Variants in CCSER1 observed in about 807,000 individuals in gnomAD.
CCSER1 encodes serine-rich coiled-coil domain-containing protein 1.
Under a neutral mutation model 82.0 loss-of-function variants are expected in CCSER1, and 41 were observed. That is an observed-to-expected ratio of 0.50 (90% CI 0.39 to 0.65). The LOEUF (loss-of-function observed/expected upper bound fraction) is 0.65, where lower values mean the gene tolerates loss of function less well. Ranked by LOEUF, CCSER1 falls within the 30% of genes least tolerant of loss-of-function variation. The pLI is 0.00. For missense variants in CCSER1, 1,119 were observed against 1,064.2 expected (o/e 1.05, Z -0.72); for synonymous variants, 414 against 383.9 (o/e 1.08, Z -0.92).
intron 10 of CCSER1, among the ~76,000 whole-genome samples, chr4:91,493,870 G>T (rs564744161): frequency 6.6e-6 from 1 of 151,738 alleles, no homozygotes; most frequent in South Asian, 2.1e-4. Context: ...AATATGGAAA[G>T]TTAGCAAGGC....
At chr4:90,786,392 A>G (rs1754523556) in intron 7 of CCSER1, among the ~76,000 whole-genome samples, 1 of 152,218 alleles carries the variant, frequency 6.6e-6, no homozygotes, top group African/African-American at 2.4e-5. Context: ...ACATGGTTCC[A>G]ATAGGTTATA....
At chr4:90,460,928 T>A (rs1418238897) in intron 4 of CCSER1, among the ~76,000 whole-genome samples, 1 of 152,122 alleles carries the variant, frequency 6.6e-6, no homozygotes, top group Non-Finnish European at 1.5e-5. Context: ...CTTTTTCCCC[T>A]CTAGTCCACT....
At chr4:90,513,189 G>A (rs983938367) in intron 5 of CCSER1, among the ~76,000 whole-genome samples, 8 of 152,280 alleles carry the variant, frequency 5.3e-5, no homozygotes, top group East Asian at 3.9e-4. Context: ...GTTCAGTTGC[G>A]TAGGTACACA....
At chr4:91,275,403 G>T (rs901569795) in intron 10 of CCSER1, among the ~76,000 whole-genome samples, 1 of 151,234 alleles carries the variant, frequency 6.6e-6, no homozygotes, top group African/African-American at 2.4e-5. Flanking sequence ...TTTTTGATTT[G>T]CACCTCCCTG....
intron 3 of CCSER1, among the ~76,000 whole-genome samples, chr4:90,337,518 T>C (rs750271903): frequency 3.9e-5 from 6 of 152,190 alleles, no homozygotes; most frequent in Non-Finnish European, 7.3e-5. Context: ...CAAAAATCCC[T>C]TAAAGTTAGA....
At chr4:91,199,985 G>A (rs1350197604) in intron 10 of CCSER1, among the ~76,000 whole-genome samples, 1 of 151,804 alleles carries the variant, frequency 6.6e-6, no homozygotes, top group Non-Finnish European at 1.5e-5. Context: ...TCTTTTTTTA[G>A]TACTAATTAA....
At chr4:91,130,249 A>T (rs116251383) in intron 10 of CCSER1, among the ~76,000 whole-genome samples, 2,011 of 151,900 alleles carry the variant, frequency 0.013, 47 homozygotes, top group African/African-American at 0.046. Flanking sequence ...ATTTTTATAT[A>T]TTATTTTAAA....
chr4:91,139,954 G>A (rs539637123), intron 10 of CCSER1, among the ~76,000 whole-genome samples: 4 of 152,072 alleles, frequency 2.6e-5, no homozygotes, highest in Non-Finnish European at 5.9e-5. Context: ...TAACTGAGGA[G>A]AAATTACATG....
At chr4:90,623,513 A>G (rs1408397936) in intron 5 of CCSER1, among the ~76,000 whole-genome samples, 2 of 152,184 alleles carry the variant, frequency 1.3e-5, no homozygotes, top group African/African-American at 4.8e-5. Flanking sequence ...AGACCATGAA[A>G]CAACCTTGTT....
chr4:90,816,926 G>C (rs1242215903), intron 8 of CCSER1, among the ~76,000 whole-genome samples: 1 of 152,060 alleles, frequency 6.6e-6, no homozygotes, highest in Non-Finnish European at 1.5e-5. Context: ...AGTGTTCTAG[G>C]ATTGGATTGA....
intron 5 of CCSER1, among the ~76,000 whole-genome samples, chr4:90,535,684 A>G (rs898497280): frequency 9.9e-5 from 15 of 152,150 alleles, no homozygotes; most frequent in Admixed American, 9.8e-4. Context: ...ATGATAGAAT[A>G]CTGCCAGGCA....
Position 91,127,512 on chromosome 4 carries a change from G to A in CCSER1, c.2217+41518G>A, listed in dbSNP as rs149199742. ...GTGTTGCAGGCACAAATTTGCATTT[G>A]CAGTATGGTAATTTTTTAAAAACTC... On this transcript the variant is annotated intron_variant, in intron 10 of 10. Transcript: ENST00000509176. 9.5e-3 allele frequency among the ~76,000 whole-genome samples: 1,451 copies of A among 152,104 alleles called. 12 individuals are homozygous for A. Among genetic ancestry groups the A allele is most frequent in the Non-Finnish European group, 0.013 (913 of 67,966 alleles).
intron 10 of CCSER1, among the ~76,000 whole-genome samples, chr4:91,330,129 T>G (rs951747907): frequency 1.3e-5 from 2 of 152,194 alleles, no homozygotes; most frequent in Non-Finnish European, 2.9e-5. Flanking sequence ...CTCTAAGTAC[T>G]GCTTTTACTC....
chr4:90,864,203 C>T (rs1196723824), intron 8 of CCSER1, among the ~76,000 whole-genome samples: 2 of 151,770 alleles, frequency 1.3e-5, no homozygotes, highest in South Asian at 2.1e-4. Context: ...AACCTGAGTG[C>T]TCTATGCTTG....
intron 1 of CCSER1, among the ~76,000 whole-genome samples, chr4:90,175,165 C>G (rs1732426952): frequency 6.6e-6 from 1 of 151,898 alleles, no homozygotes; most frequent in African/African-American, 2.4e-5. Context: ...TGGAATAATA[C>G]TAAATGATAT....
chr4:91,434,559 AT>A (rs1754531507), intron 10 of CCSER1, among the ~76,000 whole-genome samples: 1 of 152,122 alleles, frequency 6.6e-6, no homozygotes, highest in Admixed American at 6.5e-5. Flanking sequence ...TAATAAAATA[AT>A]TTTTTGTTTG....
intron 6 of CCSER1, among the ~76,000 whole-genome samples, chr4:90,648,274 G>GAGAGAAAGAAAGCAAAGAA (rs1323733857): frequency 9.9e-6 from 1 of 100,714 alleles, no homozygotes; most frequent in African/African-American, 3.7e-5. Context: ...GAAAGAGAGA[G>GAGAGAAAGAAAGCAAAGAA]AGAAAGAAAG....
chr4:91,185,393 A>C (rs2149038098), intron 10 of CCSER1, among the ~76,000 whole-genome samples: 1 of 152,330 alleles, frequency 6.6e-6, no homozygotes, highest in East Asian at 1.9e-4. Context: ...TTAAACTTAA[A>C]CTAGACCTTC....
At chr4:90,226,830 G>T (rs548013502) in intron 1 of CCSER1, among the ~76,000 whole-genome samples, 1 of 152,310 alleles carries the variant, frequency 6.6e-6, no homozygotes, top group African/African-American at 2.4e-5. Context: ...CAGGATTCAA[G>T]CTAAGGTCAT....
Sources: gnomAD v4.1 joint callset for allele counts (sites outside exome capture counted in the v4.1 genomes callset) on GRCh38, gnomAD v4.1.1 for gene constraint, MANE v1.5 for transcripts, NCBI Gene and HGNC (gene_info 2026-07-23, HGNC 2026-07-21) for gene names.